HES7: variants seen among roughly 807,000 people sequenced by gnomAD.
HES7 encodes the protein transcription factor HES-7.
In HES7, 8 loss-of-function variants were observed where a neutral mutation model predicts 18.0. That is an observed-to-expected ratio of 0.45 (90% CI 0.26 to 0.80). The LOEUF is 0.80. HES7 is among the 30% of genes least tolerant of loss of function. The pLI, the probability that HES7 is intolerant of heterozygous loss-of-function variation, is 0.18. For synonymous variants in HES7, 170 were observed against 158.6 expected (o/e 1.07, Z -0.54); for missense variants, 356 against 340.9 (o/e 1.04, Z -0.35).
At position 8,122,081 on chromosome 17, in the gene HES7, G is replaced by A; in HGVS notation, c.227-44C>T. On this transcript the variant is annotated intron_variant, in intron 3 of 3. Transcript: ENST00000541682. This position sits in a 1 kb window ranked among gnomAD's most constrained non-coding sequence, Gnocchi z 6.9. ...GCACAGGTGGGCAGGGCAGGGGCCC[G>A]GCAGGGGTGAGGGAAGGGGCGGGGC... 6.9e-7 allele frequency: 1 copy of A among 1,450,094 alleles called. No homozygotes were observed. Among genetic ancestry groups the A allele is most frequent in the Non-Finnish European group, 9.1e-7 (1 of 1,103,408 alleles). The allele number at this position is 1,450,094 out of a possible 1,614,324, so 89.8% of individuals were successfully genotyped here.
Position 8,123,937 on chromosome 17 carries a change from C to T in HES7, c.42+106G>A, listed in dbSNP as rs934279962. 5 of 1,264,758 alleles carry T rather than the reference C, an allele frequency of 4.0e-6. No homozygotes were observed. In the African/African-American group the frequency reaches 7.4e-5, roughly 19 times the overall value. 78.3% of individuals were successfully genotyped at this position (1,264,758 alleles called of 1,614,324 possible). A position where few individuals can be genotyped will look rare whatever the true frequency, so the allele number is the denominator to read the frequency against. On this transcript the variant is annotated intron_variant, in intron 1 of 3. Coordinates refer to ENST00000541682, the MANE Select transcript of HES7 (RefSeq NM_001165967.2). The surrounding 1 kb of genome is among the most constrained non-coding windows in gnomAD (Gnocchi z 5.9). ...GCTCCTGGAGTTCTGGAGCACCGCTCCCCTTCCACCCCTGCGTCCCCAGCC... is the reference window on the plus strand; with the variant it reads ...GCTCCTGGAGTTCTGGAGCACCGCTTCCCTTCCACCCCTGCGTCCCCAGCC...
Position 8,123,931 on chromosome 17 carries a change from AC to A in HES7, c.42+111del. ...CTTCTGGCTCCTGGAGTTCTGGAGC[AC>A]CGCTCCCCTTCCACCCCTGCGTCCC... On this transcript the variant is annotated intron_variant, in intron 1 of 3. Coordinates refer to ENST00000541682, the MANE Select transcript of HES7 (RefSeq NM_001165967.2). This position sits in a 1 kb window ranked among gnomAD's most constrained non-coding sequence, Gnocchi z 5.9. The A allele has an allele frequency of 4.2e-6, 5 of 1,203,548 alleles. No homozygotes were observed. The highest frequency in any genetic ancestry group is 6.0e-6 in the Non-Finnish European group (5 of 829,532). 74.6% of individuals were successfully genotyped at this position (1,203,548 alleles called of 1,614,324 possible).
At position 8,121,268 on chromosome 17, in the gene HES7, T is replaced by G; in HGVS notation, c.*303A>C. The G allele has an allele frequency of 3.7e-5, 10 of 266,830 alleles. No homozygotes were observed. The highest frequency in any genetic ancestry group is 1.3e-4 in the East Asian group (2 of 15,872). 16.5% of individuals were successfully genotyped at this position (266,830 alleles called of 1,614,324 possible). A position where few individuals can be genotyped will look rare whatever the true frequency, so the allele number is the denominator to read the frequency against. ...CCCCTGGCTCGGGGACACACGGGGA[T>G]TTAATAACCACTTTATTCCATGCAC... On this transcript the variant is annotated 3_prime_UTR_variant, in exon 4 of 4. Transcript: ENST00000541682.
In HES7 at chr17:8,121,509, G is replaced by C. The variant is rs1003392417; in HGVS notation, c.*62C>G. 11 of 1,255,424 alleles carry C rather than the reference G, an allele frequency of 8.8e-6. No individual in the cohort carries two copies. The East Asian group carries it at 3.5e-4, about 40-fold the overall frequency. 77.8% of individuals were successfully genotyped at this position (1,255,424 alleles called of 1,614,324 possible). Reference sequence around the variant, plus strand: ...CTCGCCCGGACGCCCGGGTCCCTCTGCTGCCCTCGGGCTGGAGTCTCTACC... The same window carrying C: ...CTCGCCCGGACGCCCGGGTCCCTCTCCTGCCCTCGGGCTGGAGTCTCTACC... On this transcript the variant is annotated 3_prime_UTR_variant, in exon 4 of 4. Transcript: ENST00000541682.
chr17:8,123,539 G>T lies in HES7; in HGVS notation c.43-413C>A, dbSNP rs1158894043. 3 of 305,600 alleles carry T rather than the reference G, an allele frequency of 9.8e-6. No homozygotes were observed. The highest frequency in any genetic ancestry group is 1.9e-5 in the Non-Finnish European group (3 of 161,926). The allele number at this position is 305,600 out of a possible 1,614,324, so 18.9% of individuals were successfully genotyped here. A position where few individuals can be genotyped will look rare whatever the true frequency, so the allele number is the denominator to read the frequency against. ...AGAAAGGGAGATACCTAGCGCGACC[G>T]CGCCGCCTCTTTTCCCTCAAAACCC... On this transcript the variant is annotated intron_variant, in intron 1 of 3. Coordinates refer to ENST00000541682, the MANE Select transcript of HES7 (RefSeq NM_001165967.2). This position sits in a 1 kb window ranked among gnomAD's most constrained non-coding sequence, Gnocchi z 5.9.
At position 8,122,884 on chromosome 17, in the gene HES7, G is replaced by A; in HGVS notation, c.138+147C>T. The A allele has an allele frequency of 4.2e-6, 3 of 717,120 alleles. No individual in the cohort carries two copies. Among genetic ancestry groups the A allele is most frequent in the Admixed American group, 2.0e-5 (1 of 49,500 alleles). The allele number at this position is 717,120 out of a possible 1,614,324, so 44.4% of individuals were successfully genotyped here. On this transcript the variant is annotated intron_variant, in intron 2 of 3. Transcript: ENST00000541682. This position sits in a 1 kb window ranked among gnomAD's most constrained non-coding sequence, Gnocchi z 6.9. ...GATCGCGTTCTGAGAGCGAGTGGGG[G>A]TCTGGGATGGAATTCCAAAGGCGGG...
upstream of HES7, among the ~76,000 whole-genome samples, chr17:8,125,792 C>T (rs888412874): frequency 6.6e-6 from 1 of 152,162 alleles, no homozygotes; most frequent in African/African-American, 2.4e-5. Flanking sequence ...CGCGGGAGGC[C>T]CGGGTTCGAT....
At chr17:8,125,611 G>A (rs1217903210), upstream of HES7, among the ~76,000 whole-genome samples, 2 of 152,178 alleles carry the variant, frequency 1.3e-5, no homozygotes, top group Non-Finnish European at 2.9e-5. Flanking sequence ...GGATCCGGAC[G>A]AGAGGAAGGA....
rs771673658 is a variant in HES7, at chr17:8,121,799, G to A, written c.465C>T (p.Ala155=). 24 of 1,558,128 alleles carry A rather than the reference G, an allele frequency of 1.5e-5. 1 individual carries two copies. In the Admixed American group the frequency reaches 4.1e-4, roughly 27 times the overall value. Residue 155 remains alanine (A), a synonymous_variant, in exon 4 of 4, where the codon GCC becomes GCT. Transcript: ENST00000541682. ...PPAPRPSLDP[A]APALGPALHQ... is the part of the protein sequence containing the mutation. Reference sequence around the variant, plus strand: ...GCAGCGCAGGGCCAAGGGCCGGTGCGGCGGGGTCCAGGGATGGGCGCGGCG... The same window carrying A: ...GCAGCGCAGGGCCAAGGGCCGGTGCAGCGGGGTCCAGGGATGGGCGCGGCG...
At position 8,121,550 on chromosome 17, in the gene HES7, G is replaced by A. The variant is rs1981320434; in HGVS notation, c.*21C>T. The A allele has an allele frequency of 1.5e-6, 2 of 1,294,580 alleles. No homozygotes were observed. The highest frequency in any genetic ancestry group is 3.1e-5 in the African/African-American group (2 of 64,570). 80.2% of individuals were successfully genotyped at this position (1,294,580 alleles called of 1,614,324 possible). A position where few individuals can be genotyped will look rare whatever the true frequency, so the allele number is the denominator to read the frequency against. On this transcript the variant is annotated 3_prime_UTR_variant, in exon 4 of 4. Coordinates refer to ENST00000541682, the MANE Select transcript of HES7 (RefSeq NM_001165967.2). Reference sequence around the variant, plus strand: ...AGTCTCTACCCCACCCCTAGACCCCGCCCCCACCACCCCCCAAGGCTCAGG... The same window carrying A: ...AGTCTCTACCCCACCCCTAGACCCCACCCCCACCACCCCCCAAGGCTCAGG...
chr17:8,123,142 A>C lies in HES7; in HGVS notation c.43-16T>G. The stretch of plus-strand genomic sequence containing the variant: ...GCTTGAGCATCTGCGACCAGCGAGA[A>C]AAGGAGAGCGGGCCGACCAGACCGA... On this transcript the variant is annotated splice_polypyrimidine_tract_variant and intron_variant, in intron 1 of 3. Transcript: ENST00000541682. The surrounding 1 kb of genome is among the most constrained non-coding windows in gnomAD (Gnocchi z 5.9). 6.3e-7 allele frequency: 1 copy of C among 1,593,964 alleles called. No homozygotes were observed. The highest frequency in any genetic ancestry group is 1.1e-5 in the South Asian group (1 of 88,654).
chr17:8,126,179 T>C (rs1336891006), upstream of HES7, among the ~76,000 whole-genome samples: 1 of 152,170 alleles, frequency 6.6e-6, no homozygotes. Flanking sequence ...TATTTTCCGT[T>C]CTCTCTGAAG....
At chr17:8,124,471 A>T (rs1598234170), upstream of HES7, among the ~76,000 whole-genome samples, 1 of 152,182 alleles carries the variant, frequency 6.6e-6, no homozygotes, top group East Asian at 1.9e-4. Context: ...AATAGAAGTT[A>T]GCACCTCTCA....
In HES7 at chr17:8,121,456, C is replaced by T. The variant is rs766566795; in HGVS notation, c.*115G>A. On this transcript the variant is annotated 3_prime_UTR_variant, in exon 4 of 4. Coordinates refer to ENST00000541682, the MANE Select transcript of HES7 (RefSeq NM_001165967.2). ...ACATCTCACCCGCGCGCTGAGCCCG[C>T]GCGCCCCACTGCCCTCCCCAACACC... 4.8e-6 allele frequency: 4 copies of T among 825,296 alleles called. No homozygotes were observed. Among genetic ancestry groups the T allele is most frequent in the Admixed American group, 4.3e-5 (1 of 23,262 alleles). 51.1% of individuals were successfully genotyped at this position (825,296 alleles called of 1,614,324 possible). A position where few individuals can be genotyped will look rare whatever the true frequency, so the allele number is the denominator to read the frequency against.
At position 8,123,939 on chromosome 17, in the gene HES7, C is replaced by T; in HGVS notation, c.42+104G>A. 7.7e-7 allele frequency: 1 copy of T among 1,294,996 alleles called. No homozygotes were observed. Among genetic ancestry groups the T allele is most frequent in the Non-Finnish European group, 1.1e-6 (1 of 906,702 alleles). 80.2% of individuals were successfully genotyped at this position (1,294,996 alleles called of 1,614,324 possible). ...TCCTGGAGTTCTGGAGCACCGCTCCCCTTCCACCCCTGCGTCCCCAGCCTC... is the reference window on the plus strand; with the variant it reads ...TCCTGGAGTTCTGGAGCACCGCTCCTCTTCCACCCCTGCGTCCCCAGCCTC... On this transcript the variant is annotated intron_variant, in intron 1 of 3. Transcript: ENST00000541682. This position sits in a 1 kb window ranked among gnomAD's most constrained non-coding sequence, Gnocchi z 5.9.
rs1218140757 is a variant in HES7 at position 8,121,005 on chromosome 17, CA to C, written c.*565del. 2.0e-5 allele frequency: 3 copies of C among 152,710 alleles called. No individual in the cohort carries two copies. The highest frequency in any genetic ancestry group is 4.4e-5 in the Non-Finnish European group (3 of 68,078). The allele number at this position is 152,710 out of a possible 1,614,324, so 9.5% of individuals were successfully genotyped here. On this transcript the variant is annotated 3_prime_UTR_variant, in exon 4 of 4. Transcript: ENST00000541682. ...CAAAGGTTGTGGGTTCGAATCCCACCAGAGTCGATTTTATTTCAATTTTTCC... is the reference window on the plus strand; with the variant it reads ...CAAAGGTTGTGGGTTCGAATCCCACCGAGTCGATTTTATTTCAATTTTTCC...
upstream of HES7, among the ~76,000 whole-genome samples, chr17:8,124,608 C>G (rs891272864): frequency 7.9e-5 from 12 of 152,200 alleles, no homozygotes; most frequent in Non-Finnish European, 1.5e-4. Flanking sequence ...TGGAGAGGCG[C>G]TCTCTTCTAT....
At position 8,123,281 on chromosome 17, in the gene HES7, C is replaced by A; in HGVS notation, c.43-155G>T. 3.1e-6 allele frequency: 2 copies of A among 651,988 alleles called. No homozygotes were observed. The highest frequency in any genetic ancestry group is 2.4e-5 in the Admixed American group (1 of 42,390). 40.4% of individuals were successfully genotyped at this position (651,988 alleles called of 1,614,324 possible). ...CGGCCCCATTCGATCCCTCTCCGCT[C>A]CCCCTCCCAATGCCCCTAGATCAGT... On this transcript the variant is annotated intron_variant, in intron 1 of 3. Transcript: ENST00000541682. This position sits in a 1 kb window ranked among gnomAD's most constrained non-coding sequence, Gnocchi z 5.9.
At position 8,123,249 on chromosome 17, in the gene HES7, C is replaced by T. The variant is rs535857171; in HGVS notation, c.43-123G>A. On this transcript the variant is annotated intron_variant, in intron 1 of 3. Transcript: ENST00000541682. This position sits in a 1 kb window ranked among gnomAD's most constrained non-coding sequence, Gnocchi z 5.9. ...CCCCGGCCACAAGACCCCAGATTGC[C>T]TAGGGCCGGCCCCATTCGATCCCTC... 3.2e-5 allele frequency: 24 copies of T among 743,082 alleles called. No homozygotes were observed. The African/African-American group carries it at 4.0e-4, about 12-fold the overall frequency. The allele number at this position is 743,082 out of a possible 1,614,324, so 46.0% of individuals were successfully genotyped here. A position where few individuals can be genotyped will look rare whatever the true frequency, so the allele number is the denominator to read the frequency against.
Sources: allele counts gnomAD v4.1 joint callset (sites outside exome capture counted in the v4.1 genomes callset), GRCh38; gene constraint gnomAD v4.1.1; non-coding constraint Gnocchi (gnomAD v3.1); transcripts MANE v1.5; gene names NCBI Gene and HGNC (gene_info 2026-07-23, HGNC 2026-07-21).